The following CUBN variants were observed in gnomAD, a reference collection of about 807,000 sequenced individuals.
CUBN encodes 460 kDa receptor.
Under a neutral mutation model 405.3 loss-of-function variants are expected in CUBN, and 282 were observed. The observed-to-expected ratio is 0.70, with a 90% CI of 0.63 to 0.77. The LOEUF (loss-of-function observed/expected upper bound fraction) is 0.77. Ranked by LOEUF, CUBN falls within the 30% of genes least tolerant of loss-of-function variation. The pLI is 0.00. For missense variants in CUBN, 4,514 were observed against 4,475.2 expected, an observed-to-expected ratio of 1.01 and a Z score of -0.25; for synonymous variants, 1,684 against 1,617.0, an observed-to-expected ratio of 1.04 and a Z score of -0.99.
chr10:17,032,608 A>G (rs1834809368), intron 27 of CUBN, among the ~76,000 whole-genome samples: 1 of 152,238 alleles, frequency 6.6e-6, no homozygotes, highest in Admixed American at 6.5e-5. Context: ...CATTCCATTA[A>G]TGACAAATAT....
chr10:16,978,836 A>G (rs1168409035), intron 31 of CUBN, among the ~76,000 whole-genome samples: 1 of 152,240 alleles, frequency 6.6e-6, no homozygotes, highest in African/African-American at 2.4e-5. Context: ...TTGGAAGTTC[A>G]GGTCACAGCA....
At chr10:17,038,739 C>G (rs545733560) in intron 27 of CUBN, among the ~76,000 whole-genome samples, 38 of 152,278 alleles carry the variant, frequency 2.5e-4, no homozygotes, top group African/African-American at 7.9e-4. Flanking sequence ...CATCATAGAC[C>G]AGCTATTGCA....
chr10:16,918,542 C>T, intron 45 of CUBN, 80 bp downstream of exon 45: 2 of 1,098,900 alleles, frequency 1.8e-6, no homozygotes, highest in South Asian at 1.3e-5. Context: ...ACAACAAACC[C>T]CCAAACACGA....
At chr10:16,863,392 T>C (rs11814160) in intron 59 of CUBN, among the ~76,000 whole-genome samples, 2,025 of 152,272 alleles carry the variant, frequency 0.013, 45 homozygotes, top group African/African-American at 0.046. Context: ...TGACATTCCA[T>C]GGTTGCTTTG....
At chr10:16,873,395 G>A (rs1840413959) in intron 58 of CUBN, among the ~76,000 whole-genome samples, 1 of 152,102 alleles carries the variant, frequency 6.6e-6, no homozygotes, top group Admixed American at 6.6e-5. Flanking sequence ...TCTGACACAG[G>A]TATAAAAATA....
intron 27 of CUBN, among the ~76,000 whole-genome samples, chr10:17,029,432 TCAA>T (rs1161644023): frequency 2.0e-5 from 3 of 152,246 alleles, no homozygotes; most frequent in Non-Finnish European, 2.9e-5. Flanking sequence ...CATGCTAAAC[TCAA>T]CGACACTACA....
intron 31 of CUBN, among the ~76,000 whole-genome samples, chr10:16,980,098 C>T (rs577935373): frequency 6.6e-6 from 1 of 152,224 alleles, no homozygotes; most frequent in East Asian, 1.9e-4. Context: ...AAAAAGTTCA[C>T]CATCACTGGT....
chr10:17,107,374 C>A (rs73602292), intron 10 of CUBN, among the ~76,000 whole-genome samples: 7,147 of 152,170 alleles, frequency 0.047, 552 homozygotes, highest in African/African-American at 0.16. Flanking sequence ...TAACTACATT[C>A]CTCCATCAGC....
At chr10:16,918,131 A>G (rs1841934919) in intron 45 of CUBN, among the ~76,000 whole-genome samples, 1 of 151,576 alleles carries the variant, frequency 6.6e-6, no homozygotes, top group African/African-American at 2.4e-5. Context: ...TGAGCTCTCT[A>G]CTCCATTCTA....
chr10:16,997,877 A>C (rs186985711), intron 28 of CUBN, among the ~76,000 whole-genome samples: 1 of 152,334 alleles, frequency 6.6e-6, no homozygotes, highest in East Asian at 1.9e-4. Context: ...CTCTCTGAAC[A>C]CAAGGCCAAG....
chr10:16,899,233 T>G, intron 53 of CUBN, 50 bp from the exon 54 acceptor site: 2 of 1,450,290 alleles, frequency 1.4e-6, no homozygotes, highest in South Asian at 2.3e-5. Flanking sequence ...AAAGTAATTT[T>G]GGAAACTCAA....
intron 49 of CUBN, 33 bp downstream of exon 49, chr10:16,907,475 A>G (rs1238960047): frequency 9.9e-6 from 16 of 1,610,596 alleles, no homozygotes; most frequent in Non-Finnish European, 1.1e-5. Flanking sequence ...GCCCCTGATT[A>G]AAATGGGGGG....
At chr10:16,937,226 T>A (rs541550844) in intron 39 of CUBN, among the ~76,000 whole-genome samples, 2 of 152,192 alleles carry the variant, frequency 1.3e-5, no homozygotes, top group Non-Finnish European at 2.9e-5. Context: ...GAAAAATAGT[T>A]ACTTTTATGA....
chr10:16,940,353 A>T (rs1170626286), intron 36 of CUBN, 116 bp from the exon 37 acceptor site: 1 of 994,068 alleles, frequency 1.0e-6, no homozygotes, highest in East Asian at 2.5e-5. Context: ...TTTAACTTTG[A>T]TCACAACATT....
At chr10:16,919,197 G>A (rs2131465926) in intron 44 of CUBN, among the ~76,000 whole-genome samples, 1 of 152,270 alleles carries the variant, frequency 6.6e-6, no homozygotes. Flanking sequence ...CTGTAATTGG[G>A]ACTAATGGAG....
intron 49 of CUBN, among the ~76,000 whole-genome samples, chr10:16,907,098 G>A (rs1472337901): frequency 6.6e-6 from 1 of 152,106 alleles, no homozygotes; most frequent in Non-Finnish European, 1.5e-5. Context: ...TATGTGTGTG[G>A]ATAGATGACT....
At chr10:17,013,875 G>C (rs1286852447) in intron 28 of CUBN, among the ~76,000 whole-genome samples, 1 of 152,168 alleles carries the variant, frequency 6.6e-6, no homozygotes, top group Admixed American at 6.5e-5. Context: ...TCAGTATATA[G>C]GTTAAGGTCA....
Position 17,123,668 on chromosome 10 carries a change from T to C in CUBN, c.409A>G (p.Ser137Gly), listed in dbSNP as rs202053511. ...CCACCATTCTGGCAAGGATTGCTGCTGCAAACCTTTTTGTCAACAGTCTGA... is the reference window on the plus strand; with the variant it reads ...CCACCATTCTGGCAAGGATTGCTGCCGCAAACCTTTTTGTCAACAGTCTGA... ...LQQTVDKKVC[S>G]SNPCQNGGTC... The change falls in exon 5 of 67, where the codon AGC becomes GGC. Residue 137 changes from serine to glycine, a missense_variant. By Grantham distance (56) the Ser-to-Gly change is moderately conservative (BLOSUM62 0). Coordinates refer to ENST00000377833, the MANE Select transcript of CUBN (RefSeq NM_001081.4). 6.2e-7 allele frequency: 1 copy of C among 1,613,744 alleles called. No homozygotes were observed. The highest frequency in any genetic ancestry group is 2.2e-5 in the East Asian group (1 of 44,876).
At chr10:16,883,902 G>T (rs2131388676) in intron 56 of CUBN, among the ~76,000 whole-genome samples, 1 of 152,308 alleles carries the variant, frequency 6.6e-6, no homozygotes, top group South Asian at 2.1e-4. Flanking sequence ...TTTTTAAATT[G>T]AGAATTTCTA....
Sources: allele counts gnomAD v4.1 joint callset (sites outside exome capture counted in the v4.1 genomes callset), GRCh38; gene constraint gnomAD v4.1.1; transcripts MANE v1.5; gene names NCBI Gene and HGNC (gene_info 2026-07-23, HGNC 2026-07-21).